DNASE1: variants seen among roughly 807,000 people sequenced by gnomAD.
DNASE1 encodes the protein deoxyribonuclease-1.
DNASE1 carries 40 observed loss-of-function variants against 33.9 expected under a neutral mutation model. That is an observed-to-expected ratio of 1.18 (90% CI 0.92 to 1.54). DNASE1 has a LOEUF of 1.54. DNASE1 is among the 40% of genes most tolerant of loss of function. The pLI, the probability that DNASE1 is intolerant of heterozygous loss-of-function variation, is 0.00. For missense variants in DNASE1, 518 were observed against 372.6 expected, an observed-to-expected ratio of 1.39 and a Z score of -3.21; for synonymous variants, 216 against 160.0, an observed-to-expected ratio of 1.35 and a Z score of -2.64.
upstream of DNASE1, chr16:3,640,699 C>A (rs111480692): frequency 2.5e-6 from 1 of 398,488 alleles, no homozygotes. Flanking sequence ...TAACACTCCC[C>A]TTTTCCTTCT....
In DNASE1 at chr16:3,655,956, G is replaced by T. The variant is rs1357486142; in HGVS notation, c.236+19G>T. ...TCAATCAGTGGGTGACAGTGGCAGG[G>T]TCATAGGAAGGTGACATCTCGTCCA... On this transcript the variant is annotated intron_variant, in intron 3 of 8. Transcript: ENST00000246949. 1 of 1,613,466 alleles carries T rather than the reference G, an allele frequency of 6.2e-7. No individual in the cohort carries two copies. Among genetic ancestry groups the T allele is most frequent in the African/African-American group, 1.3e-5 (1 of 74,904 alleles).
chr16:3,662,772 C>T (rs1323370768), downstream of DNASE1: 2 of 1,013,912 alleles, frequency 2.0e-6, no homozygotes, highest in Non-Finnish European at 3.1e-6. Flanking sequence ...CCAAGGGCTT[C>T]TGCTGCTGCT....
intron 1 of DNASE1, among the ~76,000 whole-genome samples, chr16:3,621,742 A>C (rs960053276): frequency 2.0e-5 from 3 of 152,212 alleles, no homozygotes; most frequent in Non-Finnish European, 4.4e-5. Flanking sequence ...TCACCTATCA[A>C]GGGACATTAG....
intron 1 of DNASE1, 34 bp downstream of exon 1, chr16:3,655,078 G>A: frequency 1.7e-6 from 1 of 587,546 alleles, no homozygotes; most frequent in Non-Finnish European, 3.0e-6. Context: ...TGGGTGACTG[G>A]CCGGTTTGGA....
At chr16:3,638,089 T>TA (rs1237092255), upstream of DNASE1, among the ~76,000 whole-genome samples, 3 of 146,574 alleles carry the variant, frequency 2.0e-5, no homozygotes, top group East Asian at 6.0e-4. Flanking sequence ...TAATTCCAGT[T>TA]GACCAGTTTT....
chr16:3,632,130 C>A (rs928585724), intron 1 of DNASE1, among the ~76,000 whole-genome samples: 1 of 152,032 alleles, frequency 6.6e-6, no homozygotes, highest in Non-Finnish European at 1.5e-5. Context: ...TTTATGGACC[C>A]GAATGTGATC....
chr16:3,630,470 T>C (rs2041663408), intron 1 of DNASE1, among the ~76,000 whole-genome samples: 1 of 152,224 alleles, frequency 6.6e-6, no homozygotes, highest in Non-Finnish European at 1.5e-5. Flanking sequence ...CATGAGCCAC[T>C]GTTTCTGGCT....
chr16:3,656,203 C>T lies in DNASE1; in HGVS notation c.320+18C>T. 6.2e-7 allele frequency: 1 copy of T among 1,612,888 alleles called. No homozygotes were observed. The highest frequency in any genetic ancestry group is 8.5e-7 in the Non-Finnish European group (1 of 1,179,242). ...GTGTACAGGTGGGTGGTCTAGAAAGCCAGGAAGCCCCTCCCTCACCTGGGA... is the reference window on the plus strand; with the variant it reads ...GTGTACAGGTGGGTGGTCTAGAAAGTCAGGAAGCCCCTCCCTCACCTGGGA... On this transcript the variant is annotated intron_variant, in intron 4 of 8. Transcript: ENST00000246949.
At chr16:3,632,578 T>C (rs546091142) in intron 1 of DNASE1, among the ~76,000 whole-genome samples, 43 of 151,808 alleles carry the variant, frequency 2.8e-4, no homozygotes, top group African/African-American at 1.0e-3. Context: ...CTCTTTAATT[T>C]TTTCTCTCTT....
chr16:3,617,262 G>A (rs577813016), intron 1 of DNASE1, among the ~76,000 whole-genome samples: 1 of 145,678 alleles, frequency 6.9e-6, no homozygotes, highest in African/African-American at 2.6e-5. Context: ...GGAGATGGAG[G>A]TTGCGGTGAG....
chr16:3,661,921 A>G, downstream of DNASE1: 1 of 1,508,212 alleles, frequency 6.6e-7, no homozygotes, highest in Non-Finnish European at 8.8e-7. Context: ...TTCCACAACA[A>G]AAGAACACCA....
chr16:3,646,490 G>A (rs577311728), intron 1 of DNASE1, among the ~76,000 whole-genome samples: 15 of 152,240 alleles, frequency 9.9e-5, no homozygotes, highest in Admixed American at 2.6e-4. Context: ...TGGGGCCATG[G>A]CGGGTGTAGG....
downstream of DNASE1, chr16:3,661,045 T>C (rs1463400331): frequency 6.6e-6 from 1 of 152,156 alleles, no homozygotes; most frequent in Non-Finnish European, 1.5e-5. Flanking sequence ...TTTTAAAAAA[T>C]TGCTACATTC....
exon 10 of DNASE1, chr16:3,664,280 G>T: frequency 6.3e-7 from 1 of 1,593,660 alleles, no homozygotes; most frequent in Non-Finnish European, 8.5e-7. Context: ...CCACCTCTGT[G>T]TCTTTCTTCT....
upstream of DNASE1, chr16:3,652,757 A>G (rs1341402319): frequency 1.3e-5 from 2 of 152,334 alleles, no homozygotes; most frequent in South Asian, 2.1e-4. Context: ...CTTCTGCTTC[A>G]TGGCCAGCTG....
chr16:3,630,570 G>A (rs1167878799), intron 1 of DNASE1, among the ~76,000 whole-genome samples: 1 of 152,090 alleles, frequency 6.6e-6, no homozygotes, highest in Non-Finnish European at 1.5e-5. Flanking sequence ...TCTTCTTGCT[G>A]TATTGAACCT....
At chr16:3,634,450 G>A (rs1238271720) in intron 1 of DNASE1, among the ~76,000 whole-genome samples, 7 of 151,478 alleles carry the variant, frequency 4.6e-5, no homozygotes, top group African/African-American at 7.3e-5. Flanking sequence ...GGCTGGTCTC[G>A]AACTCCTGAC....
rs531078028 is a variant in DNASE1 at position 3,619,039 on chromosome 16, AT to A, written c.-1359+7046del. ...CTAGAGCTAGAAGGGCCCCTGGGTA[AT>A]TTTTTTTTTTTTGAGACGGGGTTAC... is the stretch of plus-strand genomic sequence containing the variant. On this transcript the variant is annotated intron_variant and NMD_transcript_variant, in intron 1 of 11. Transcript: ENST00000570769. Among the ~76,000 whole-genome samples, 556 of 144,510 alleles carry A rather than the reference AT, an allele frequency of 3.8e-3. 4 individuals carry two copies. The highest frequency in any genetic ancestry group is 0.01 in the African/African-American group (400 of 39,602). 94.8% of individuals were successfully genotyped at this position (144,510 alleles called of 152,430 possible).
rs56670885 is a variant in DNASE1, at chr16:3,617,326, CAAAAAAAAAAA to C, written c.-1359+5337_-1359+5347del. Among the ~76,000 whole-genome samples the C allele has an allele frequency of 3.8e-3, 222 of 57,720 alleles. 3 individuals carry two copies. The highest frequency in any genetic ancestry group is 0.015 in the African/African-American group (188 of 12,922). 37.9% of individuals were successfully genotyped at this position (57,720 alleles called of 152,430 possible). On this transcript the variant is annotated intron_variant and NMD_transcript_variant, in intron 1 of 11. Transcript: ENST00000570769. ...AGTCAACAAGAGCGAAACTCCATCT[CAAAAAAAAAAA>C]AAAAAAAAAAAAAAAAGAATACTAC...
Sources: allele counts gnomAD v4.1 joint callset (sites outside exome capture counted in the v4.1 genomes callset), GRCh38; gene constraint gnomAD v4.1.1; transcripts MANE v1.5; gene names NCBI Gene and HGNC (gene_info 2026-07-23, HGNC 2026-07-21).